Variants in FGF12 observed in about 807,000 individuals in gnomAD.
The protein encoded by FGF12 is fibroblast growth factor 12B.
In FGF12, 14 loss-of-function variants were observed where a neutral mutation model predicts 23.6. The ratio of observed to expected loss-of-function variants is 0.59; its 90% confidence interval spans 0.39 to 0.93. FGF12 has a LOEUF of 0.93. Among genes scored for constraint, FGF12 ranks in the 40% least tolerant of loss-of-function variants. The probability of loss-of-function intolerance (pLI) is 0.00; values close to 1 mark genes in which losing one functional copy is unlikely to be tolerated. For missense variants in FGF12, 175 were observed against 217.8 expected (o/e 0.80, Z 1.24); for synonymous variants, 62 against 77.3 (o/e 0.80, Z 1.04).
chr3:192,414,228 T>G (rs1721279357), intron 2 of FGF12, among the ~76,000 whole-genome samples: 1 of 152,186 alleles, frequency 6.6e-6, no homozygotes, highest in South Asian at 2.1e-4. Context: ...TACACACTTA[T>G]AAGTGCATTA....
rs11303029 is a variant in FGF12, at chr3:192,421,427, GAA to G, written c.14-60891_14-60890del. 9.5e-3 allele frequency among the ~76,000 whole-genome samples: 1,415 copies of G among 148,284 alleles called. 16 individuals carry two copies. The highest frequency in any genetic ancestry group is 0.03 in the African/African-American group (1,193 of 40,352). On this transcript the variant is annotated intron_variant, in intron 2 of 5. Coordinates refer to ENST00000445105, the MANE Select transcript of FGF12 (RefSeq NM_004113.6). The stretch of plus-strand genomic sequence containing the variant: ...ATATTTTCAATGTGACTGCTTACTT[GAA>G]AAAAAAAAAATGGCTTTAGTAGCTG...
intron 2 of FGF12, among the ~76,000 whole-genome samples, chr3:192,637,290 C>T (rs1200323335): frequency 6.6e-6 from 1 of 152,172 alleles, no homozygotes; most frequent in Non-Finnish European, 1.5e-5. Flanking sequence ...GGCCGCCTGG[C>T]ATTTCTTTCA....
chr3:192,141,127 C>CAAAAA lies in FGF12; in HGVS notation c.*2881_*2882insTTTTT, dbSNP rs1396299359. 122 of 21,860 alleles carry CAAAAA rather than the reference C, an allele frequency of 5.6e-3. 6 individuals carry two copies. Among genetic ancestry groups the CAAAAA allele is most frequent in the Admixed American group, 0.021 (29 of 1,406 alleles). The allele number at this position is 21,860 out of a possible 1,614,324, so 1.4% of individuals were successfully genotyped here. On this transcript the variant is annotated 3_prime_UTR_variant, in exon 6 of 6. Coordinates refer to ENST00000445105, the MANE Select transcript of FGF12 (RefSeq NM_004113.6). Reference sequence around the variant, plus strand: ...TCCTGGGAAAAATCCCAATGCAACTCCAAAAAAAAAAAAAAAAAAAAAAAA... The same window carrying CAAAAA: ...TCCTGGGAAAAATCCCAATGCAACTCAAAAACAAAAAAAAAAAAAAAAAAAAAAAA...
At chr3:192,560,520 A>G (rs1478119254) in intron 2 of FGF12, among the ~76,000 whole-genome samples, 2 of 152,102 alleles carry the variant, frequency 1.3e-5, no homozygotes, top group South Asian at 4.1e-4. Context: ...ATGGCATGTC[A>G]TTGTAGATTC....
intron 2 of FGF12, among the ~76,000 whole-genome samples, chr3:192,639,811 G>T (rs751400572): frequency 1.3e-5 from 2 of 152,074 alleles, no homozygotes; most frequent in Non-Finnish European, 2.9e-5. Context: ...CTGTGGATTT[G>T]GTATTCTTGG....
chr3:192,345,376 A>G (rs1031410518), intron 3 of FGF12, among the ~76,000 whole-genome samples: 1 of 152,230 alleles, frequency 6.6e-6, no homozygotes, highest in African/African-American at 2.4e-5. Flanking sequence ...ACAAAGCTGT[A>G]AAATATTGTT....
chr3:192,414,751 G>A (rs1721292806), intron 2 of FGF12, among the ~76,000 whole-genome samples: 1 of 152,264 alleles, frequency 6.6e-6, no homozygotes, highest in African/African-American at 2.4e-5. Flanking sequence ...TAACCTGGAG[G>A]GGAAAAATGA....
chr3:192,167,084 T>C (rs1715200821), intron 5 of FGF12, among the ~76,000 whole-genome samples: 1 of 149,780 alleles, frequency 6.7e-6, no homozygotes, highest in Non-Finnish European at 1.5e-5. Context: ...GATGGAAGCC[T>C]GAAGCAGAGT....
chr3:192,723,450 T>C (rs2108748514), intron 2 of FGF12, among the ~76,000 whole-genome samples: 1 of 152,252 alleles, frequency 6.6e-6, no homozygotes, highest in South Asian at 2.1e-4. Context: ...TCTACACCAG[T>C]GCTTCTTAAA....
At chr3:192,684,508 T>C (rs1478312069) in intron 2 of FGF12, among the ~76,000 whole-genome samples, 1 of 152,168 alleles carries the variant, frequency 6.6e-6, no homozygotes, top group African/African-American at 2.4e-5. Context: ...TCATCTGCTC[T>C]AAACAGCTGT....
chr3:192,701,862 AT>A (rs975848746), intron 2 of FGF12, among the ~76,000 whole-genome samples: 8 of 152,130 alleles, frequency 5.3e-5, no homozygotes, highest in African/African-American at 1.7e-4. Flanking sequence ...CTCAGATAGC[AT>A]TTTTTTGTAA....
At chr3:192,511,949 T>C (rs1048633055) in intron 2 of FGF12, among the ~76,000 whole-genome samples, 2 of 152,154 alleles carry the variant, frequency 1.3e-5, no homozygotes, top group East Asian at 1.9e-4. Flanking sequence ...AAATAAATGA[T>C]TAGTTTATAT....
chr3:192,640,960 A>T (rs1256804983), intron 2 of FGF12, among the ~76,000 whole-genome samples: 2 of 151,522 alleles, frequency 1.3e-5, no homozygotes, highest in African/African-American at 4.9e-5. Flanking sequence ...CCACAGGTAC[A>T]TGCCACCATG....
chr3:192,310,055 T>C (rs2108670736), intron 4 of FGF12, among the ~76,000 whole-genome samples: 1 of 152,248 alleles, frequency 6.6e-6, no homozygotes, highest in East Asian at 1.9e-4. Flanking sequence ...GTGAAAGTAA[T>C]ATTGATTAAC....
intron 3 of FGF12, among the ~76,000 whole-genome samples, chr3:192,341,946 A>C (rs1717711062): frequency 9.2e-6 from 1 of 108,936 alleles, no homozygotes; most frequent in Admixed American, 1.0e-4. Flanking sequence ...CTGACTTAGA[A>C]GTCATTTATT....
chr3:192,488,713 G>C (rs949379502), intron 2 of FGF12, among the ~76,000 whole-genome samples: 2 of 152,048 alleles, frequency 1.3e-5, no homozygotes, highest in African/African-American at 2.4e-5. Flanking sequence ...GGAGTCAACT[G>C]TCAGGAAACG....
chr3:192,696,221 T>G (rs1470092497), intron 2 of FGF12, among the ~76,000 whole-genome samples: 4 of 151,750 alleles, frequency 2.6e-5, no homozygotes. Flanking sequence ...TACCCACCAG[T>G]ATGTTCCAGC....
At position 192,360,698 on chromosome 3, in the gene FGF12, T is replaced by C; in HGVS notation, c.14-160A>G. On this transcript the variant is annotated intron_variant, in intron 2 of 5. Coordinates refer to ENST00000445105, the MANE Select transcript of FGF12 (RefSeq NM_004113.6). This position sits in a 1 kb window ranked among gnomAD's most constrained non-coding sequence, Gnocchi z 4.3. ...GTGTTTCAGTAACATATCTATGCTTTTTTTTTTCCATTTAGAGGTAGAGCT... is the reference window on the plus strand; with the variant it reads ...GTGTTTCAGTAACATATCTATGCTTCTTTTTTTCCATTTAGAGGTAGAGCT... 1.6e-6 allele frequency: 1 copy of C among 608,892 alleles called. No homozygotes were observed. The allele number at this position is 608,892 out of a possible 1,614,324, so 37.7% of individuals were successfully genotyped here.
chr3:192,709,324 A>G (rs897645104), intron 2 of FGF12, among the ~76,000 whole-genome samples: 2 of 152,244 alleles, frequency 1.3e-5, no homozygotes, highest in Non-Finnish European at 2.9e-5. Flanking sequence ...ATGGCATTAC[A>G]TGAACGAGTT....
Sources: allele counts gnomAD v4.1 joint callset (sites outside exome capture counted in the v4.1 genomes callset), GRCh38; gene constraint gnomAD v4.1.1; non-coding constraint Gnocchi (gnomAD v3.1); transcripts MANE v1.5; gene names NCBI Gene and HGNC (gene_info 2026-07-23, HGNC 2026-07-21).